Variants in SESTD1 observed in about 807,000 individuals in gnomAD.
The protein encoded by SESTD1 is SEC14 and spectrin domain containing 1, also known as SEC14 domain and spectrin repeat-containing protein 1.
A neutral mutation model predicts 101.7 loss-of-function variants in SESTD1; 43 were observed. That is an observed-to-expected ratio of 0.42 (90% CI 0.33 to 0.55). The LOEUF (loss-of-function observed/expected upper bound fraction) is 0.55, where lower values mean the gene tolerates loss of function less well. SESTD1 is among the 20% of genes least tolerant of loss of function. SESTD1 has a pLI of 0.07. For synonymous variants in SESTD1, 283 were observed against 286.8 expected (o/e 0.99, Z 0.13); for missense variants, 647 against 815.1 (o/e 0.79, Z 2.51).
chr2:179,174,021 A>G (rs774969586), intron 4 of SESTD1, among the ~76,000 whole-genome samples: 1 of 152,220 alleles, frequency 6.6e-6, no homozygotes, highest in Non-Finnish European at 1.5e-5. Flanking sequence ...TGACTAAGGT[A>G]AGTAAAATAA....
chr2:179,235,808 CCACTT>C (rs1397627346), intron 1 of SESTD1, among the ~76,000 whole-genome samples: 3 of 152,196 alleles, frequency 2.0e-5, no homozygotes, highest in Non-Finnish European at 2.9e-5. Context: ...GCCTCTCTCT[CCACTT>C]CATGTTTTTC....
At position 179,106,456 on chromosome 2, in the gene SESTD1, G is replaced by C. The variant is rs879644875; in HGVS notation, c.*3443C>G. ...TCTTCAAATGTAGACCATAGATTCA[G>C]CTAACTTCATAATCACATCATTGGT... On this transcript the variant is annotated 3_prime_UTR_variant, in exon 18 of 18. Coordinates refer to ENST00000428443, the MANE Select transcript of SESTD1 (RefSeq NM_178123.5). The C allele has an allele frequency of 7.2e-5, 11 of 152,158 alleles. No individual in the cohort carries two copies. The highest frequency in any genetic ancestry group is 2.6e-4 in the Admixed American group (4 of 15,260). The allele number at this position is 152,158 out of a possible 1,614,324, so 9.4% of individuals were successfully genotyped here. A position where few individuals can be genotyped will look rare whatever the true frequency, so the allele number is the denominator to read the frequency against.
chr2:179,122,829 G>C (rs2044784388), intron 12 of SESTD1, among the ~76,000 whole-genome samples: 2 of 152,314 alleles, frequency 1.3e-5, no homozygotes, highest in East Asian at 3.9e-4. Flanking sequence ...CGGGGAGGCA[G>C]AGGTTGCAGT....
intron 15 of SESTD1, 80 bp from the exon 16 acceptor site, chr2:179,115,336 C>A (rs1239746470): frequency 2.7e-6 from 3 of 1,124,204 alleles, no homozygotes; most frequent in South Asian, 1.7e-5. Context: ...GGAAGATTGT[C>A]GTTACAGTTA....
intron 6 of SESTD1, 109 bp downstream of exon 6, chr2:179,151,169 T>G: frequency 7.0e-6 from 5 of 711,118 alleles, no homozygotes; most frequent in Non-Finnish European, 6.2e-6. Flanking sequence ...ATTTCTCCAT[T>G]TTTGTAAAAA....
intron 11 of SESTD1, 120 bp downstream of exon 11, chr2:179,124,244 G>T: frequency 1.1e-6 from 1 of 894,022 alleles, no homozygotes; most frequent in Non-Finnish European, 1.7e-6. Context: ...ACCCCCACCA[G>T]TAATTCATTT....
Position 179,204,151 on chromosome 2 carries a change from A to G in SESTD1, c.-25-12285T>C, listed in dbSNP as rs1026768886. ...ACACACATACACGTGTGTACAGATG[A>G]AAAAAGAAAGAACTTTTATCTGAGG... On this transcript the variant is annotated intron_variant, in intron 1 of 17. Coordinates refer to ENST00000428443, the MANE Select transcript of SESTD1 (RefSeq NM_178123.5). Among the ~76,000 whole-genome samples, 21 of 134,618 alleles carry G rather than the reference A, an allele frequency of 1.6e-4. 5 individuals are homozygous for G. The highest frequency in any genetic ancestry group is 6.2e-4 in the African/African-American group (21 of 33,942). The allele number at this position is 134,618 out of a possible 152,430, so 88.3% of individuals were successfully genotyped here. A position where few individuals can be genotyped will look rare whatever the true frequency, so the allele number is the denominator to read the frequency against.
intron 5 of SESTD1, among the ~76,000 whole-genome samples, chr2:179,156,395 T>G (rs1346103899): frequency 6.6e-6 from 1 of 152,194 alleles, no homozygotes; most frequent in Non-Finnish European, 1.5e-5. Flanking sequence ...TTTTAGTTCT[T>G]TGAGGTATCT....
chr2:179,115,195 C>A lies in SESTD1; in HGVS notation c.1709G>T (p.Arg570Leu). 6.2e-7 allele frequency: 1 copy of A among 1,613,606 alleles called. No homozygotes were observed. Among genetic ancestry groups the A allele is most frequent in the Non-Finnish European group, 8.5e-7 (1 of 1,179,872 alleles). ...ATCCCCAGATGACCGAGAAGTGCAG[C>A]GCAAAGATTGGCATAACACAACTGT... ...QATVVLCQSLRCTSRSSGDTL... is the reference protein window; with the variant it reads ...QATVVLCQSLLCTSRSSGDTL... The change falls in exon 16 of 18, where the codon CGC becomes CTC. Residue 570 changes from arginine to leucine, a missense_variant. Physicochemically the swap from Arg to Leu is moderately radical, Grantham distance 102 (BLOSUM62 -2). Coordinates refer to ENST00000428443, the MANE Select transcript of SESTD1 (RefSeq NM_178123.5).
rs367570892 is a variant in SESTD1, at chr2:179,143,652, T to C, written c.789A>G (p.Glu263=). Residue 263 remains glutamate (E), a synonymous_variant, in exon 9 of 18, where the codon GAA becomes GAG. Transcript: ENST00000428443. ...SLREQYTRYQ[E]VCRQRSKRTQ... ...TGCGCTTGCTACGTTGCCTACAAACTTCCTGGTAGCGGGTATATTGCTCTC... is the reference window on the plus strand; with the variant it reads ...TGCGCTTGCTACGTTGCCTACAAACCTCCTGGTAGCGGGTATATTGCTCTC... 6.2e-7 allele frequency: 1 copy of C among 1,613,898 alleles called. No individual in the cohort carries two copies. The highest frequency in any genetic ancestry group is 8.5e-7 in the Non-Finnish European group (1 of 1,179,912).
intron 1 of SESTD1, among the ~76,000 whole-genome samples, chr2:179,204,104 A>G (rs1442977095): frequency 1.5e-5 from 2 of 133,548 alleles, no homozygotes; most frequent in Admixed American, 7.3e-5. Flanking sequence ...TTGTCATTGA[A>G]AAGTTTCATA....
chr2:179,163,862 T>A (rs528811756), intron 5 of SESTD1, among the ~76,000 whole-genome samples: 24 of 152,298 alleles, frequency 1.6e-4, no homozygotes, highest in African/African-American at 4.8e-4. Flanking sequence ...TAATCTCAAA[T>A]TTTAACTTGC....
chr2:179,228,643 G>A (rs1319980609), intron 1 of SESTD1, among the ~76,000 whole-genome samples: 14 of 152,174 alleles, frequency 9.2e-5, no homozygotes, highest in Admixed American at 9.2e-4. Context: ...ATTATCAACT[G>A]AAATGAAGTT....
rs980552217 is a variant in SESTD1 at position 179,105,127 on chromosome 2, CCTCT to C, written c.*4768_*4771del. 22 of 151,818 alleles carry C rather than the reference CCTCT, an allele frequency of 1.4e-4. No homozygotes were observed. Among genetic ancestry groups the C allele is most frequent in the African/African-American group, 5.1e-4 (21 of 41,396 alleles). 9.4% of individuals were successfully genotyped at this position (151,818 alleles called of 1,614,324 possible). A position where few individuals can be genotyped will look rare whatever the true frequency, so the allele number is the denominator to read the frequency against. On this transcript the variant is annotated 3_prime_UTR_variant, in exon 18 of 18. Transcript: ENST00000428443. The stretch of plus-strand genomic sequence containing the variant: ...TGCCTGAGTTTACCAAGAGACTGCT[CCTCT>C]CTAAGCATAGCCAGCACTAATTGTG...
chr2:179,232,671 C>A (rs1049624335), intron 1 of SESTD1, among the ~76,000 whole-genome samples: 1 of 152,016 alleles, frequency 6.6e-6, no homozygotes, highest in Non-Finnish European at 1.5e-5. Context: ...CAATGGAGTA[C>A]TATGCAGCTC....
chr2:179,200,976 T>C (rs1443360055), intron 1 of SESTD1, among the ~76,000 whole-genome samples: 2 of 132,836 alleles, frequency 1.5e-5, no homozygotes, highest in Admixed American at 7.3e-5. Context: ...ACCATCAGAG[T>C]GAACAGGCAA....
At chr2:179,238,585 C>T (rs944810822) in intron 1 of SESTD1, among the ~76,000 whole-genome samples, 2 of 152,144 alleles carry the variant, frequency 1.3e-5, no homozygotes, top group Non-Finnish European at 2.9e-5. Context: ...TCCCCTCAGT[C>T]ATGCCAGTTT....
rs2045219318 is a variant in SESTD1, at chr2:179,139,010, ATCC to A, written c.849+4579_849+4581del. The stretch of plus-strand genomic sequence containing the variant: ...ACAATTATTTCAAAACAATTATGTA[ATCC>A]TCATTTTTTTCCTTTAAAAATGTTT... On this transcript the variant is annotated intron_variant, in intron 9 of 17. Coordinates refer to ENST00000428443, the MANE Select transcript of SESTD1 (RefSeq NM_178123.5). Among the ~76,000 whole-genome samples the A allele has an allele frequency of 5.9e-5, 9 of 152,140 alleles. No individual in the cohort carries two copies. In the South Asian group the frequency reaches 1.9e-3, roughly 32 times the overall value.
chr2:179,243,385 G>A (rs991800217), intron 1 of SESTD1, among the ~76,000 whole-genome samples: 6 of 152,150 alleles, frequency 3.9e-5, no homozygotes, highest in East Asian at 1.9e-4. Flanking sequence ...ACTACCATTC[G>A]ACCCAGCAAT....
Sources: gnomAD v4.1 joint callset for allele counts (sites outside exome capture counted in the v4.1 genomes callset) on GRCh38, gnomAD v4.1.1 for gene constraint, MANE v1.5 for transcripts, NCBI Gene and HGNC (gene_info 2026-07-23, HGNC 2026-07-21) for gene names.